Variants in MOCS1 observed in about 807,000 individuals in gnomAD.
The protein encoded by MOCS1 is molybdenum cofactor biosynthesis protein 1.
In MOCS1, 39 loss-of-function variants were observed where a neutral mutation model predicts 57.6. The ratio of observed to expected loss-of-function variants is 0.68; its 90% confidence interval spans 0.52 to 0.88. The LOEUF is 0.88. MOCS1 is among the 40% of genes least tolerant of loss of function. The pLI is 0.00. For missense variants in MOCS1, 795 were observed against 831.1 expected, an observed-to-expected ratio of 0.96 and a Z score of 0.53; for synonymous variants, 334 against 335.7, an observed-to-expected ratio of 1.00 and a Z score of 0.05.
chr6:39,922,392 T>G (rs1768020153), intron 3 of MOCS1, among the ~76,000 whole-genome samples: 1 of 152,200 alleles, frequency 6.6e-6, no homozygotes, highest in Non-Finnish European at 1.5e-5. Context: ...GTAAATTTTC[T>G]AAAAACATTA....
At position 39,906,113 on chromosome 6, in the gene MOCS1, AC is replaced by A. The variant is rs1766903824; in HGVS notation, c.*243del. The A allele has an allele frequency of 1.5e-6, 1 of 675,128 alleles. No homozygotes were observed. The highest frequency in any genetic ancestry group is 2.7e-6 in the Non-Finnish European group (1 of 370,556). 41.8% of individuals were successfully genotyped at this position (675,128 alleles called of 1,614,324 possible). ...TGCTTGTTGCAGTCCCGCTCCCACG[AC>A]CTTAGTGTCCTGGAAGGCTTAAGGG... On this transcript the variant is annotated 3_prime_UTR_variant, in exon 11 of 11. Coordinates refer to ENST00000340692, the MANE Select transcript of MOCS1 (RefSeq NM_001358530.2).
rs1766895778 is a variant in MOCS1 at position 39,906,075 on chromosome 6, A to AGTT, written c.*279_*281dup. 3.1e-6 allele frequency: 2 copies of AGTT among 637,364 alleles called. No homozygotes were observed. Among genetic ancestry groups the AGTT allele is most frequent in the Non-Finnish European group, 5.8e-6 (2 of 345,460 alleles). 39.5% of individuals were successfully genotyped at this position (637,364 alleles called of 1,614,324 possible). A position where few individuals can be genotyped will look rare whatever the true frequency, so the allele number is the denominator to read the frequency against. On this transcript the variant is annotated 3_prime_UTR_variant, in exon 11 of 11. Transcript: ENST00000340692. ...TAGTCCACAAAGAACATGATTTCTC[A>AGTT]GTTATCTGGCATTGCTTGTTGCAGT...
At chr6:39,925,638 C>A (rs768015946) in intron 3 of MOCS1, 40 bp downstream of exon 3, 1 of 1,611,606 alleles carries the variant, frequency 6.2e-7, no homozygotes, top group Middle Eastern at 1.7e-4. Flanking sequence ...CCGGATGAGG[C>A]AGCGCTGGGA....
intron 8 of MOCS1, among the ~76,000 whole-genome samples, chr6:39,912,046 C>G (rs1166283898): frequency 1.3e-5 from 2 of 152,108 alleles, no homozygotes; most frequent in Non-Finnish European, 2.9e-5. Flanking sequence ...CAGGGCCCCA[C>G]AGAAGGAAGG....
intron 5 of MOCS1, 169 bp downstream of exon 5, chr6:39,913,605 C>T: frequency 1.0e-6 from 1 of 987,142 alleles, no homozygotes; most frequent in Non-Finnish European, 1.6e-6. Flanking sequence ...TCGTTTCTCT[C>T]AAGGGTCGGC....
intron 8 of MOCS1, among the ~76,000 whole-genome samples, chr6:39,911,209 A>T (rs894854669): frequency 6.6e-6 from 1 of 152,148 alleles, no homozygotes; most frequent in Non-Finnish European, 1.5e-5. Context: ...AGTCCAAGTC[A>T]ATTCCGTATC....
intron 8 of MOCS1, 75 bp downstream of exon 8, chr6:39,912,189 T>A: frequency 8.6e-7 from 1 of 1,163,536 alleles, no homozygotes; most frequent in Non-Finnish European, 1.3e-6. Flanking sequence ...TCCTCTCCAA[T>A]CAGGGAGCAC....
chr6:39,934,056 G>C (rs1768778367), intron 1 of MOCS1, among the ~76,000 whole-genome samples: 1 of 152,114 alleles, frequency 6.6e-6, no homozygotes, highest in Non-Finnish European at 1.5e-5. Context: ...AGGGCTAGAA[G>C]GGGTGGCGTG....
chr6:39,924,533 G>T lies in MOCS1; in HGVS notation c.418+1145C>A, dbSNP rs528659661. Among the ~76,000 whole-genome samples, 3 of 152,338 alleles carry T rather than the reference G, an allele frequency of 2.0e-5. No individual in the cohort carries two copies. In the East Asian group the frequency reaches 5.8e-4, roughly 29 times the overall value. On this transcript the variant is annotated intron_variant, in intron 3 of 10. Transcript: ENST00000340692. ...CAAAACAAAGTAGGGTAAGTGAGTA[G>T]GGCAGGGGTTGCCACACTTTTTCTG... is the stretch of plus-strand genomic sequence containing the variant.
At position 39,905,063 on chromosome 6, in the gene MOCS1, A is replaced by G. The variant is rs1159724356; in HGVS notation, c.*1294T>C. ...TTATATCACAAATTGTCTTTTCCAG[A>G]GAGCTGGTTGTTTAATATTTGCCAG... On this transcript the variant is annotated 3_prime_UTR_variant, in exon 11 of 11. Coordinates refer to ENST00000340692, the MANE Select transcript of MOCS1 (RefSeq NM_001358530.2). 4.4e-6 allele frequency: 2 copies of G among 454,240 alleles called. No homozygotes were observed. Among genetic ancestry groups the G allele is most frequent in the Middle Eastern group, 6.8e-4 (1 of 1,480 alleles). The allele number at this position is 454,240 out of a possible 1,614,324, so 28.1% of individuals were successfully genotyped here. A position where few individuals can be genotyped will look rare whatever the true frequency, so the allele number is the denominator to read the frequency against.
At chr6:39,913,058 GC>G in intron 6 of MOCS1, 54 bp from the exon 7 acceptor site, 7 of 1,502,204 alleles carry the variant, frequency 4.7e-6, no homozygotes, top group South Asian at 1.1e-5. Context: ...AGTTGAAGGG[GC>G]CCCGGGGTCT....
At chr6:39,908,958 T>G in intron 10 of MOCS1, 97 bp downstream of exon 10, 1 of 998,946 alleles carries the variant, frequency 1.0e-6, no homozygotes, top group South Asian at 1.3e-5. Flanking sequence ...GAAATCAGCA[T>G]GAAATGCAGG....
At chr6:39,915,574 G>A (rs1030244696) in intron 4 of MOCS1, among the ~76,000 whole-genome samples, 1 of 152,140 alleles carries the variant, frequency 6.6e-6, no homozygotes. Context: ...TGGAGGGTAT[G>A]GCTGTGCCTG....
At chr6:39,913,050 T>C (rs760136967) in intron 6 of MOCS1, 46 bp from the exon 7 acceptor site, 22 of 1,546,594 alleles carry the variant, frequency 1.4e-5, no homozygotes, top group Non-Finnish European at 1.9e-5. Flanking sequence ...TGAATCACAG[T>C]TGAAGGGGCC....
chr6:39,921,189 G>A (rs1767948062), intron 3 of MOCS1, among the ~76,000 whole-genome samples: 2 of 152,018 alleles, frequency 1.3e-5, no homozygotes, highest in Non-Finnish European at 2.9e-5. Flanking sequence ...CATGAGGTCA[G>A]GAGATCGAGA....
At position 39,915,051 on chromosome 6, in the gene MOCS1, A is replaced by G. The variant is rs530052139; in HGVS notation, c.583+1017T>C. Among the ~76,000 whole-genome samples, 340 of 152,184 alleles carry G rather than the reference A, an allele frequency of 2.2e-3. 1 individual carries two copies. Among genetic ancestry groups the G allele is most frequent in the Non-Finnish European group, 3.7e-3 (255 of 68,012 alleles). On this transcript the variant is annotated intron_variant, in intron 4 of 10. Coordinates refer to ENST00000340692, the MANE Select transcript of MOCS1 (RefSeq NM_001358530.2). ...CATGCATCCTCCTTGAAGCCCTCCT[A>G]GTTCTCTCCTGCTAAGAGTTCTTTC...
chr6:39,934,202 A>G lies in MOCS1; in HGVS notation c.123+93T>C, dbSNP rs1437356555. Reference sequence around the variant, plus strand: ...AACGGGTCCCTCCCAGAAGCGGTCAAGCAGATAGGCCGGGAGCTACTGGGG... The same window carrying G: ...AACGGGTCCCTCCCAGAAGCGGTCAGGCAGATAGGCCGGGAGCTACTGGGG... On this transcript the variant is annotated intron_variant, in intron 1 of 10. Coordinates refer to ENST00000340692, the MANE Select transcript of MOCS1 (RefSeq NM_001358530.2). The G allele has an allele frequency of 4.2e-6, 6 of 1,428,474 alleles. No individual in the cohort carries two copies. The South Asian group carries it at 5.9e-5, about 14-fold the overall frequency. The allele number at this position is 1,428,474 out of a possible 1,614,324, so 88.5% of individuals were successfully genotyped here.
chr6:39,922,728 C>T (rs1053009380), intron 3 of MOCS1, among the ~76,000 whole-genome samples: 3 of 152,164 alleles, frequency 2.0e-5, no homozygotes, highest in Non-Finnish European at 2.9e-5. Context: ...TTCTGCAGCA[C>T]CTCTCAAAGG....
At position 39,925,735 on chromosome 6, in the gene MOCS1, T is replaced by C; in HGVS notation, c.361A>G (p.Lys121Glu). The C allele has an allele frequency of 6.2e-7, 1 of 1,612,850 alleles. No homozygotes were observed. Among genetic ancestry groups the C allele is most frequent in the South Asian group, 1.1e-5 (1 of 91,086 alleles). The stretch of plus-strand genomic sequence containing the variant: ...GGCTCTCCACCTGTGAGCCGGATCT[T>C]GTCGATGCCTTCCTTCACAAAGAGC... ...ARLFVKEGID[K>E]IRLTGGEPLI... The change falls in exon 3 of 11, where the codon AAG (lysine) becomes GAG (glutamate). Residue 121 changes from lysine to glutamate, a missense_variant. Around this residue, in one of 3 missense-constraint regions of MOCS1, gnomAD observed 416 missense variants for 392.4 expected, o/e 1.06. Coordinates refer to ENST00000340692, the MANE Select transcript of MOCS1 (RefSeq NM_001358530.2).
Sources: allele counts gnomAD v4.1 joint callset (sites outside exome capture counted in the v4.1 genomes callset), GRCh38; gene constraint gnomAD v4.1.1; regional missense constraint gnomAD v4.1.1; transcripts MANE v1.5; gene names NCBI Gene and HGNC (gene_info 2026-07-23, HGNC 2026-07-21).